NETO1: variants seen among roughly 807,000 people sequenced by gnomAD.
NETO1 encodes neuropilin and tolloid like 1.
NETO1 carries 26 observed loss-of-function variants against 61.3 expected under a neutral mutation model. The observed-to-expected ratio is 0.42, with a 90% confidence interval of 0.31 to 0.59. The LOEUF (loss-of-function observed/expected upper bound fraction) is 0.59. Ranked by LOEUF, NETO1 falls within the 20% of genes least tolerant of loss-of-function variation. The pLI is 0.12. For synonymous variants in NETO1, 225 were observed against 225.8 expected (o/e 1.00, Z 0.03); for missense variants, 531 against 662.8 (o/e 0.80, Z 2.18).
chr18:72,824,835 C>G (rs1017945100), intron 4 of NETO1, among the ~76,000 whole-genome samples: 1 of 152,128 alleles, frequency 6.6e-6, no homozygotes, highest in Non-Finnish European at 1.5e-5. Context: ...GCCAAGATCA[C>G]TGCACTGCAC....
intron 4 of NETO1, among the ~76,000 whole-genome samples, chr18:72,800,870 T>C (rs2072482977): frequency 1.3e-5 from 2 of 152,216 alleles, no homozygotes; most frequent in African/African-American, 4.8e-5. Flanking sequence ...TTGATATAAT[T>C]GCAAGGCTTA....
intron 4 of NETO1, among the ~76,000 whole-genome samples, chr18:72,836,719 G>A (rs1323617212): frequency 6.6e-6 from 1 of 152,184 alleles, no homozygotes; most frequent in Non-Finnish European, 1.5e-5. Context: ...AGACAGGGAT[G>A]AGAGTGTTAA....
chr18:72,823,380 G>A (rs73471884), intron 4 of NETO1, among the ~76,000 whole-genome samples: 1 of 152,076 alleles, frequency 6.6e-6, no homozygotes, highest in East Asian at 1.9e-4. Context: ...TCTTACATGA[G>A]CGGAGCAGGG....
chr18:72,822,088 T>A (rs2073218227), intron 4 of NETO1, among the ~76,000 whole-genome samples: 1 of 152,188 alleles, frequency 6.6e-6, no homozygotes, highest in South Asian at 2.1e-4. Context: ...GGACTCGAGA[T>A]AACCATGGAG....
At position 72,801,700 on chromosome 18, in the gene NETO1, G is replaced by C. The variant is rs149131983; in HGVS notation, c.470-7296C>G. On this transcript the variant is annotated intron_variant, in intron 4 of 10. Coordinates refer to ENST00000327305, the MANE Select transcript of NETO1 (RefSeq NM_138966.5). ...TACACAGAAGCACAGCAAGAATTAA[G>C]TATGTTTGCTGCTTTATTTTGTAAA... Among the ~76,000 whole-genome samples, 310 of 152,240 alleles carry C rather than the reference G, an allele frequency of 2.0e-3. 8 individuals carry two copies. The East Asian group carries it at 0.031, about 15-fold the overall frequency.
chr18:72,848,619 A>G (rs2145557135), intron 4 of NETO1, among the ~76,000 whole-genome samples: 1 of 152,314 alleles, frequency 6.6e-6, no homozygotes, highest in East Asian at 1.9e-4. Context: ...CAGTTGTGAA[A>G]TACAGTTGAC....
intron 3 of NETO1, among the ~76,000 whole-genome samples, chr18:72,861,715 T>C (rs2074577574): frequency 6.6e-6 from 1 of 152,222 alleles, no homozygotes; most frequent in Admixed American, 6.5e-5. Context: ...CAATGGGTCA[T>C]ACCTCTAGAA....
chr18:72,794,427 A>AT (rs1219893859), intron 4 of NETO1, 23 bp from the exon 5 acceptor site: 4 of 1,597,998 alleles, frequency 2.5e-6, no homozygotes, highest in Non-Finnish European at 3.4e-6. Flanking sequence ...GAAAAAGACA[A>AT]TTAGTCCCAT....
intron 7 of NETO1, among the ~76,000 whole-genome samples, chr18:72,773,921 G>T (rs1477195003): frequency 6.6e-6 from 1 of 151,842 alleles, no homozygotes; most frequent in African/African-American, 2.4e-5. Context: ...GTTACTGTAT[G>T]TATATTTCTT....
intron 4 of NETO1, among the ~76,000 whole-genome samples, chr18:72,851,421 A>G (rs1438454677): frequency 1.3e-5 from 2 of 151,008 alleles, no homozygotes; most frequent in Non-Finnish European, 2.9e-5. Context: ...AAACAAAAAA[A>G]GAAAAAAGAA....
At chr18:72,765,512 A>G (rs577938213) in intron 7 of NETO1, among the ~76,000 whole-genome samples, 1 of 152,146 alleles carries the variant, frequency 6.6e-6, no homozygotes, top group East Asian at 1.9e-4. Context: ...TCTGCTGCCC[A>G]GGTTCAAGCA....
chr18:72,774,592 T>C (rs2071481796), intron 7 of NETO1, among the ~76,000 whole-genome samples: 2 of 152,208 alleles, frequency 1.3e-5, no homozygotes, highest in Non-Finnish European at 2.9e-5. Flanking sequence ...GTAAGAATTA[T>C]CCAATGTATG....
rs147130395 is a variant in NETO1 at position 72,775,948 on chromosome 18, C to T, written c.868+7730G>A. Among the ~76,000 whole-genome samples, 1,056 of 152,138 alleles carry T rather than the reference C, an allele frequency of 6.9e-3. 9 individuals are homozygous for T. Among genetic ancestry groups the T allele is most frequent in the African/African-American group, 0.023 (955 of 41,490 alleles). On this transcript the variant is annotated intron_variant, in intron 7 of 10. Transcript: ENST00000327305. ...CTAAAAATATCCTATGGTCCTATCA[C>T]AAGCAATTTTTAGAGATATTAGGAT...
chr18:72,751,020 C>T (rs2070592807), intron 8 of NETO1, among the ~76,000 whole-genome samples: 1 of 145,248 alleles, frequency 6.9e-6, no homozygotes, highest in African/African-American at 2.6e-5. Flanking sequence ...AATAGCCCCC[C>T]TCCCCATCGT....
intron 6 of NETO1, among the ~76,000 whole-genome samples, chr18:72,793,824 C>T (rs753147): frequency 0.34 from 51,393 of 152,088 alleles, 9,010 homozygotes; most frequent in Non-Finnish European, 0.39. Flanking sequence ...CTAAGAGCCA[C>T]GGCTCTTGCA....
rs1599072747 is a variant in NETO1, at chr18:72,747,349, C to T, written c.*830G>A. ...TGCATGCTTTTCACAATGTGTCTAA[C>T]AAAAAGGATATTTTCCCAACTCAAA... On this transcript the variant is annotated 3_prime_UTR_variant, in exon 11 of 11. Coordinates refer to ENST00000327305, the MANE Select transcript of NETO1 (RefSeq NM_138966.5). 2.6e-5 allele frequency: 4 copies of T among 152,014 alleles called. No homozygotes were observed. The South Asian group carries it at 8.3e-4, about 31-fold the overall frequency. 9.4% of individuals were successfully genotyped at this position (152,014 alleles called of 1,614,324 possible).
At chr18:72,813,376 A>C (rs1444258120) in intron 4 of NETO1, among the ~76,000 whole-genome samples, 1 of 152,202 alleles carries the variant, frequency 6.6e-6, no homozygotes, top group African/African-American at 2.4e-5. Flanking sequence ...CAATTCCCCC[A>C]AATAATTTTC....
chr18:72,858,783 A>C (rs1415059166), intron 4 of NETO1, 43 bp downstream of exon 4: 1 of 1,535,278 alleles, frequency 6.5e-7, no homozygotes, highest in Admixed American at 2.1e-5. Context: ...AAGATAGAAA[A>C]ATGAGGAAGA....
intron 8 of NETO1, among the ~76,000 whole-genome samples, chr18:72,753,275 A>AAT: frequency 6.6e-6 from 1 of 151,702 alleles, no homozygotes; most frequent in Non-Finnish European, 1.5e-5. Flanking sequence ...GAAAAAAAAA[A>AAT]CTCATCATAG....
Sources: allele counts gnomAD v4.1 joint callset (sites outside exome capture counted in the v4.1 genomes callset), GRCh38; gene constraint gnomAD v4.1.1; transcripts MANE v1.5; gene names NCBI Gene and HGNC (gene_info 2026-07-23, HGNC 2026-07-21).